RRAGC: variants seen among roughly 807,000 people sequenced by gnomAD.
The protein encoded by RRAGC is ras-related GTP-binding protein C.
RRAGC carries 8 observed loss-of-function variants against 37.1 expected under a neutral mutation model. The ratio of observed to expected loss-of-function variants is 0.22; its 90% CI spans 0.13 to 0.39. RRAGC has a LOEUF of 0.39. Among genes scored for constraint, RRAGC ranks in the 10% least tolerant of loss-of-function variants. The probability of loss-of-function intolerance (pLI) is 1.00; values close to 1 mark genes in which losing one functional copy is unlikely to be tolerated. For missense variants in RRAGC, 342 were observed against 497.6 expected (o/e 0.69, Z 2.98); for synonymous variants, 190 against 181.1 (o/e 1.05, Z -0.39).
chr1:38,856,803 A>G, intron 2 of RRAGC, 76 bp downstream of exon 2: 1 of 1,419,324 alleles, frequency 7.0e-7, no homozygotes, highest in Middle Eastern at 1.8e-4. Flanking sequence ...CCACATGACA[A>G]AGAAGATAAA....
At chr1:38,854,951 A>G (rs1642149847) in intron 3 of RRAGC, among the ~76,000 whole-genome samples, 1 of 152,230 alleles carries the variant, frequency 6.6e-6, no homozygotes, top group East Asian at 1.9e-4. Context: ...ATTTCTACCT[A>G]TATCACCAAA....
intron 6 of RRAGC, among the ~76,000 whole-genome samples, chr1:38,843,425 C>A (rs775645296): frequency 2.0e-5 from 3 of 151,970 alleles, no homozygotes; most frequent in Non-Finnish European, 4.4e-5. Flanking sequence ...CTGAACTATT[C>A]CATTAAAAAT....
At position 38,859,545 on chromosome 1, in the gene RRAGC, T is replaced by TTCCTCC; in HGVS notation, c.96_101dup (p.Glu35_Glu36dup). On this transcript the variant is annotated inframe_insertion, in exon 1 of 7. Coordinates refer to ENST00000373001, the MANE Select transcript of RRAGC (RefSeq NM_022157.4). ...CTCCGCCCGCCGCCGCCGCCTCCTC[T>TTCCTCC]TCCTCCTCCTCCACGCCGTAGCCGA... is the stretch of plus-strand genomic sequence containing the variant. 1.4e-6 allele frequency: 2 copies of TTCCTCC among 1,459,920 alleles called. No individual in the cohort carries two copies. The highest frequency in any genetic ancestry group is 5.4e-5 in the East Asian group (2 of 36,812). The allele number at this position is 1,459,920 out of a possible 1,614,324, so 90.4% of individuals were successfully genotyped here. A position where few individuals can be genotyped will look rare whatever the true frequency, so the allele number is the denominator to read the frequency against.
At chr1:38,853,879 GA>G (rs778121788) in intron 3 of RRAGC, among the ~76,000 whole-genome samples, 11 of 152,052 alleles carry the variant, frequency 7.2e-5, no homozygotes, top group Admixed American at 4.6e-4. Context: ...AGGGAGAAAG[GA>G]ATATTTTAGT....
chr1:38,859,723 T>TCCGCCGCCG lies in RRAGC; in HGVS notation c.-86_-78dup, dbSNP rs915993418. ...CAGGCCGCCGCCTCCCCAGTCCGCC[T>TCCGCCGCCG]CCGCCGCCGCCGCCACCACCGCCAC... On this transcript the variant is annotated 5_prime_UTR_variant, in exon 1 of 7. Coordinates refer to ENST00000373001, the MANE Select transcript of RRAGC (RefSeq NM_022157.4). 12 of 1,167,302 alleles carry TCCGCCGCCG rather than the reference T, an allele frequency of 1.0e-5. No individual in the cohort carries two copies. The Admixed American group carries it at 1.3e-4, about 13-fold the overall frequency. 72.3% of individuals were successfully genotyped at this position (1,167,302 alleles called of 1,614,324 possible).
At chr1:38,856,775 C>A in intron 2 of RRAGC, 104 bp downstream of exon 2, 1 of 1,117,254 alleles carries the variant, frequency 9.0e-7, no homozygotes. Context: ...AATCTACTGC[C>A]AAAGAGATAA....
chr1:38,855,913 A>C lies in RRAGC; in HGVS notation c.442-6T>G. 1 of 1,597,078 alleles carries C rather than the reference A, an allele frequency of 6.3e-7. No individual in the cohort carries two copies. The highest frequency in any genetic ancestry group is 8.6e-7 in the Non-Finnish European group (1 of 1,169,358). ...AAAGCCTCCATGTAGTCATCCTGTA[A>C]GTCAGAACAAAATATTTTTTAAAAT... On this transcript the variant is annotated splice_polypyrimidine_tract_variant and splice_region_variant and intron_variant, in intron 2 of 6. Coordinates refer to ENST00000373001, the MANE Select transcript of RRAGC (RefSeq NM_022157.4).
intron 2 of RRAGC, among the ~76,000 whole-genome samples, chr1:38,856,144 AT>A (rs760247055): frequency 6.6e-6 from 1 of 152,124 alleles, no homozygotes; most frequent in Non-Finnish European, 1.5e-5. Context: ...AAAGAAAAAA[AT>A]GATATGAACA....
At chr1:38,858,761 AAAAC>A (rs1291750511) in intron 1 of RRAGC, among the ~76,000 whole-genome samples, 2 of 152,244 alleles carry the variant, frequency 1.3e-5, no homozygotes, top group Non-Finnish European at 1.5e-5. Flanking sequence ...CCCAAAAGTG[AAAAC>A]AAACAGACTA....
At chr1:38,853,368 G>A (rs1642125506) in intron 3 of RRAGC, among the ~76,000 whole-genome samples, 2 of 152,174 alleles carry the variant, frequency 1.3e-5, no homozygotes, top group Non-Finnish European at 2.9e-5. Flanking sequence ...AACTCAGGGA[G>A]TACAATCTTC....
At chr1:38,852,573 C>G in intron 3 of RRAGC, 85 bp from the exon 4 acceptor site, 1 of 692,580 alleles carries the variant, frequency 1.4e-6, no homozygotes, top group Non-Finnish European at 2.5e-6. Context: ...TTTTAAGTTT[C>G]TTAACATTTG....
chr1:38,852,619 C>CT (rs1485514200), intron 3 of RRAGC, 131 bp from the exon 4 acceptor site: 7 of 530,906 alleles, frequency 1.3e-5, no homozygotes, highest in Non-Finnish European at 2.0e-5. Flanking sequence ...TTTATCTTGT[C>CT]TACCATACCC....
intron 6 of RRAGC, 148 bp downstream of exon 6, chr1:38,845,791 G>A: frequency 1.6e-6 from 1 of 608,552 alleles, no homozygotes; most frequent in East Asian, 3.0e-5. Context: ...GACTATACAT[G>A]GAAGGAAAGG....
chr1:38,849,338 C>T (rs1240947157), intron 5 of RRAGC, among the ~76,000 whole-genome samples: 1 of 152,170 alleles, frequency 6.6e-6, no homozygotes, highest in African/African-American at 2.4e-5. Flanking sequence ...GCTAGGACTA[C>T]AGGTGGACAC....
chr1:38,839,565 T>G lies in RRAGC; in HGVS notation c.1188A>C (p.Arg396=). ...LKALTHNGTP[R]NAI is the part of the protein sequence containing the mutation. ...GCTGGGATTCAGACTAGATGGCGTT[T>G]CGTGGCGTGCCATTGTGTGTCAGCG... The change falls in exon 7 of 7, where the codon CGA becomes CGC. Residue 396 remains arginine (R), a synonymous_variant. Transcript: ENST00000373001. 6.2e-7 allele frequency: 1 copy of G among 1,614,104 alleles called. No homozygotes were observed. The highest frequency in any genetic ancestry group is 8.5e-7 in the Non-Finnish European group (1 of 1,180,014).
chr1:38,858,042 G>C (rs1301930170), intron 1 of RRAGC, among the ~76,000 whole-genome samples: 1 of 152,098 alleles, frequency 6.6e-6, no homozygotes, highest in South Asian at 2.1e-4. Context: ...CTGTCTAGAA[G>C]AGAAAAGTGA....
intron 6 of RRAGC, among the ~76,000 whole-genome samples, chr1:38,842,838 G>C (rs1413918589): frequency 1.3e-5 from 2 of 152,170 alleles, no homozygotes; most frequent in Non-Finnish European, 2.9e-5. Flanking sequence ...GAATGAACTA[G>C]AACTACGTGT....
intron 6 of RRAGC, among the ~76,000 whole-genome samples, chr1:38,841,321 C>T (rs539424761): frequency 1.3e-5 from 2 of 151,930 alleles, no homozygotes; most frequent in Admixed American, 6.6e-5. Flanking sequence ...AGGGACTCCT[C>T]GTGCTGCTCC....
At chr1:38,848,210 T>G (rs1642051105) in intron 5 of RRAGC, 1 of 152,090 alleles carries the variant, frequency 6.6e-6, no homozygotes, top group Admixed American at 6.6e-5. Flanking sequence ...GTCATTTGCT[T>G]TTAAGAGTAT....
Sources: gnomAD v4.1 joint callset for allele counts (sites outside exome capture counted in the v4.1 genomes callset) on GRCh38, gnomAD v4.1.1 for gene constraint, MANE v1.5 for transcripts, NCBI Gene and HGNC (gene_info 2026-07-23, HGNC 2026-07-21) for gene names.